Variants in MGAT4C observed in about 807,000 individuals in gnomAD.
MGAT4C encodes alpha-1,3-mannosyl-glycoprotein 4-beta-N-acetylglucosaminyltransferase C.
MGAT4C carries 19 observed loss-of-function variants against 40.1 expected under a neutral mutation model. The observed-to-expected ratio is 0.47, with a 90% CI of 0.33 to 0.70. The LOEUF (loss-of-function observed/expected upper bound fraction) is 0.70. Among genes scored for constraint, MGAT4C ranks in the 30% least tolerant of loss-of-function variants. The pLI, the probability that MGAT4C is intolerant of heterozygous loss-of-function variation, is 0.02. For missense variants in MGAT4C, 491 were observed against 563.2 expected (o/e 0.87, Z 1.30); for synonymous variants, 181 against 187.1 (o/e 0.97, Z 0.27).
At chr12:86,127,141 G>C (rs1880415668) in intron 1 of MGAT4C, among the ~76,000 whole-genome samples, 2 of 152,202 alleles carry the variant, frequency 1.3e-5, no homozygotes, top group Admixed American at 6.5e-5. Flanking sequence ...GATGGGTACA[G>C]ATCAGCGGCA....
chr12:86,298,039 G>A (rs1566268998), intron 4 of MGAT4C, among the ~76,000 whole-genome samples: 1 of 152,068 alleles, frequency 6.6e-6, no homozygotes, highest in Non-Finnish European at 1.5e-5. Flanking sequence ...ATAAATACAT[G>A]CACACAACTA....
chr12:86,138,718 C>T (rs1448797790), intron 1 of MGAT4C, among the ~76,000 whole-genome samples: 1 of 148,530 alleles, frequency 6.7e-6, no homozygotes, highest in African/African-American at 2.5e-5. Flanking sequence ...ATATAAAATA[C>T]AAATCATCTC....
intron 1 of MGAT4C, among the ~76,000 whole-genome samples, chr12:86,196,332 CT>C: frequency 6.6e-6 from 1 of 152,212 alleles, no homozygotes; most frequent in East Asian, 1.9e-4. Flanking sequence ...GATGCGCTGC[CT>C]TTTGGGTCCA....
intron 3 of MGAT4C, among the ~76,000 whole-genome samples, chr12:86,432,458 G>A (rs1179234780): frequency 2.0e-5 from 3 of 151,834 alleles, no homozygotes; most frequent in Admixed American, 6.6e-5. Flanking sequence ...TAAATATTAG[G>A]AATAAAAATA....
intron 3 of MGAT4C, among the ~76,000 whole-genome samples, chr12:86,434,304 T>G (rs1238470979): frequency 6.6e-6 from 1 of 152,100 alleles, no homozygotes; most frequent in Admixed American, 6.6e-5. Flanking sequence ...AAGGGCCATA[T>G]AAATGAAAAT....
chr12:86,813,945 C>G (rs1952529772), intron 1 of MGAT4C, among the ~76,000 whole-genome samples: 1 of 151,736 alleles, frequency 6.6e-6, no homozygotes, highest in African/African-American at 2.4e-5. Context: ...GAGTCTCGCT[C>G]TGTTGCCTAG....
At chr12:86,830,336 T>C (rs1952896859) in intron 1 of MGAT4C, among the ~76,000 whole-genome samples, 1 of 151,752 alleles carries the variant, frequency 6.6e-6, no homozygotes, top group Admixed American at 6.6e-5. Context: ...CTATCTGTTA[T>C]TCTGTCACCA....
chr12:86,291,016 C>T (rs1953498112), intron 4 of MGAT4C, among the ~76,000 whole-genome samples: 1 of 152,132 alleles, frequency 6.6e-6, no homozygotes. Flanking sequence ...ATTGGGTCAG[C>T]TGAACAGTGT....
chr12:86,782,338 C>T (rs945892208), intron 1 of MGAT4C, among the ~76,000 whole-genome samples: 17 of 151,764 alleles, frequency 1.1e-4, no homozygotes, highest in East Asian at 3.9e-4. Flanking sequence ...CCCGCCACTA[C>T]GCCCGGCTAA....
At chr12:86,813,981 G>T (rs1028198425) in intron 1 of MGAT4C, among the ~76,000 whole-genome samples, 1 of 151,708 alleles carries the variant, frequency 6.6e-6, no homozygotes, top group Non-Finnish European at 1.5e-5. Context: ...CACGATATTG[G>T]CTCACTGCAA....
At chr12:86,049,944 A>C (rs2136964537) in intron 1 of MGAT4C, among the ~76,000 whole-genome samples, 1 of 152,124 alleles carries the variant, frequency 6.6e-6, no homozygotes, top group East Asian at 1.9e-4. Context: ...CCTTTGTATT[A>C]AGTTAAATTT....
At chr12:86,388,822 C>G (rs1266164921) in intron 3 of MGAT4C, among the ~76,000 whole-genome samples, 1 of 151,530 alleles carries the variant, frequency 6.6e-6, no homozygotes, top group Non-Finnish European at 1.5e-5. Flanking sequence ...GCTGGGATTA[C>G]AGGCACCAGC....
chr12:86,607,205 C>T (rs2136469102), intron 2 of MGAT4C, among the ~76,000 whole-genome samples: 1 of 152,036 alleles, frequency 6.6e-6, no homozygotes, highest in South Asian at 2.1e-4. Context: ...AAATTCCTAC[C>T]ACTCATAATG....
intron 1 of MGAT4C, among the ~76,000 whole-genome samples, chr12:86,063,419 C>T (rs746586214): frequency 6.6e-6 from 1 of 152,152 alleles, no homozygotes; most frequent in Non-Finnish European, 1.5e-5. Context: ...ACTGCAAAAA[C>T]ATACCAAATT....
At chr12:86,743,623 A>G (rs1427243194) in intron 1 of MGAT4C, among the ~76,000 whole-genome samples, 1 of 151,516 alleles carries the variant, frequency 6.6e-6, no homozygotes, top group Non-Finnish European at 1.5e-5. Flanking sequence ...CAGAGGAAAT[A>G]ATGAATACAT....
chr12:86,123,240 A>C (rs1233903194), intron 1 of MGAT4C, among the ~76,000 whole-genome samples: 1 of 152,252 alleles, frequency 6.6e-6, no homozygotes, highest in African/African-American at 2.4e-5. Context: ...TAACTGTCAA[A>C]GTTTAGTCAG....
chr12:86,769,317 G>T (rs900202835), intron 1 of MGAT4C, among the ~76,000 whole-genome samples: 5 of 151,966 alleles, frequency 3.3e-5, no homozygotes, highest in Non-Finnish European at 7.4e-5. Flanking sequence ...ACCACAATGA[G>T]ATACCATCTC....
intron 4 of MGAT4C, among the ~76,000 whole-genome samples, chr12:86,294,121 A>G (rs1592658506): frequency 1.1e-5 from 1 of 92,744 alleles, no homozygotes; most frequent in East Asian, 3.3e-4. Flanking sequence ...AGAAATTAAA[A>G]AACAATATTA....
chr12:86,273,428 T>G (rs527732826), intron 4 of MGAT4C, among the ~76,000 whole-genome samples: 4 of 152,198 alleles, frequency 2.6e-5, no homozygotes, highest in Non-Finnish European at 4.4e-5. Flanking sequence ...TATATAAATA[T>G]TGTTTCCCAA....
Sources: allele counts gnomAD v4.1 joint callset (sites outside exome capture counted in the v4.1 genomes callset), GRCh38; gene constraint gnomAD v4.1.1; transcripts MANE v1.5; gene names NCBI Gene and HGNC (gene_info 2026-07-23, HGNC 2026-07-21).